Variants in SLC39A11 observed in about 807,000 individuals in gnomAD.
The protein encoded by SLC39A11 is zinc transporter ZIP11.
SLC39A11 carries 33 observed loss-of-function variants against 36.1 expected under a neutral mutation model. The ratio of observed to expected loss-of-function variants is 0.91; its 90% CI spans 0.69 to 1.22. SLC39A11 has a LOEUF of 1.22. Ranked by LOEUF, SLC39A11 falls within the 50% of genes most tolerant of loss-of-function variation. SLC39A11 has a pLI of 0.00. For synonymous variants in SLC39A11, 166 were observed against 170.3 expected, an observed-to-expected ratio of 0.97 and a Z score of 0.20; for missense variants, 432 against 430.3, an observed-to-expected ratio of 1.00 and a Z score of -0.03.
intron 3 of SLC39A11, among the ~76,000 whole-genome samples, chr17:73,060,210 C>CAAAAAAAAAAAAAAAAAAAAAAAAAAAA (rs33931672): frequency 4.4e-4 from 31 of 70,330 alleles, no homozygotes; most frequent in Admixed American, 9.0e-4. Flanking sequence ...AACTCCATCT[C>CAAAAAAAAAAAAAAAAAAAAAAAAAAAA]AAAAAAAAAA....
intron 5 of SLC39A11, among the ~76,000 whole-genome samples, chr17:72,929,584 A>C (rs1025474392): frequency 6.6e-6 from 1 of 152,162 alleles, no homozygotes; most frequent in Admixed American, 6.5e-5. Flanking sequence ...CAACAATTCT[A>C]TTCAATTAAA....
intron 4 of SLC39A11, among the ~76,000 whole-genome samples, chr17:73,002,342 A>ACAGT (rs1275601244): frequency 1.3e-5 from 2 of 152,200 alleles, no homozygotes. Context: ...TCGAAGTCCT[A>ACAGT]CAGTCAGCAA....
chr17:73,000,361 A>ATCC (rs754170979), intron 4 of SLC39A11, among the ~76,000 whole-genome samples: 1 of 140,926 alleles, frequency 7.1e-6, no homozygotes, highest in South Asian at 2.3e-4. Context: ...CCTCCTCCTC[A>ATCC]TCCTCCTCCT....
At position 72,866,812 on chromosome 17, in the gene SLC39A11, A is replaced by G. The variant is rs1409220965; in HGVS notation, c.431-17008T>C. Among the ~76,000 whole-genome samples, 14 of 152,316 alleles carry G rather than the reference A, an allele frequency of 9.2e-5. No individual in the cohort carries two copies. In the East Asian group the frequency reaches 2.7e-3, roughly 29 times the overall value. On this transcript the variant is annotated intron_variant, in intron 5 of 9. Transcript: ENST00000255559. The stretch of plus-strand genomic sequence containing the variant: ...CTATTAACCTACACATTTAAATGCA[A>G]TTTGATTTTTCTTTCAAAAGTCAGA...
At chr17:72,886,555 C>T (rs1042374301) in intron 5 of SLC39A11, among the ~76,000 whole-genome samples, 1 of 152,178 alleles carries the variant, frequency 6.6e-6, no homozygotes, top group East Asian at 1.9e-4. Flanking sequence ...CAAACGCATC[C>T]TCCAAACTGC....
intron 4 of SLC39A11, among the ~76,000 whole-genome samples, chr17:72,950,623 CTTCT>C (rs1176236270): frequency 6.6e-6 from 1 of 152,118 alleles, no homozygotes; most frequent in Non-Finnish European, 1.5e-5. Context: ...CTTCCTTTGT[CTTCT>C]TTCTTTTTAT....
intron 3 of SLC39A11, among the ~76,000 whole-genome samples, chr17:73,054,467 T>C (rs561951871): frequency 1.3e-5 from 2 of 152,088 alleles, no homozygotes; most frequent in Admixed American, 1.3e-4. Flanking sequence ...GGCCCTGTAA[T>C]AAGGACCAAG....
At chr17:72,705,095 C>A (rs1206029121) in intron 7 of SLC39A11, among the ~76,000 whole-genome samples, 3 of 152,204 alleles carry the variant, frequency 2.0e-5, no homozygotes, top group African/African-American at 7.2e-5. Flanking sequence ...CTGAAACCAG[C>A]ATCCCAGACT....
intron 3 of SLC39A11, among the ~76,000 whole-genome samples, chr17:73,071,562 C>T (rs1487309470): frequency 6.6e-6 from 1 of 152,218 alleles, no homozygotes; most frequent in Non-Finnish European, 1.5e-5. Context: ...TCCTCCAGCA[C>T]AGTGGTCCCG....
intron 6 of SLC39A11, among the ~76,000 whole-genome samples, chr17:72,792,251 C>T (rs2076733677): frequency 6.6e-6 from 1 of 152,208 alleles, no homozygotes; most frequent in Non-Finnish European, 1.5e-5. Flanking sequence ...AGGGGCTGTG[C>T]AAGGCAGGTT....
intron 5 of SLC39A11, among the ~76,000 whole-genome samples, chr17:72,906,749 A>G (rs1306275541): frequency 6.6e-6 from 1 of 152,174 alleles, no homozygotes; most frequent in Non-Finnish European, 1.5e-5. Flanking sequence ...ATCAAAATAC[A>G]CTTAGGTTTC....
chr17:72,703,244 G>A (rs1389158255), intron 7 of SLC39A11, among the ~76,000 whole-genome samples: 2 of 152,180 alleles, frequency 1.3e-5, no homozygotes, highest in African/African-American at 2.4e-5. Flanking sequence ...TGGTGTGTAT[G>A]TGCTTTAGGA....
At chr17:72,950,118 T>C (rs1397938002) in intron 4 of SLC39A11, among the ~76,000 whole-genome samples, 1 of 152,204 alleles carries the variant, frequency 6.6e-6, no homozygotes, top group Non-Finnish European at 1.5e-5. Context: ...ATGCCCTTCC[T>C]CTCATCTATT....
chr17:73,091,460 AAAT>A (rs1232062413), intron 1 of SLC39A11, among the ~76,000 whole-genome samples: 2 of 152,106 alleles, frequency 1.3e-5, no homozygotes, highest in Non-Finnish European at 2.9e-5. Flanking sequence ...AAATAAAAAT[AAAT>A]AAATAAATAA....
chr17:72,877,459 G>T (rs534126014), intron 5 of SLC39A11, among the ~76,000 whole-genome samples: 3 of 152,174 alleles, frequency 2.0e-5, no homozygotes, highest in Admixed American at 1.3e-4. Context: ...CCAGTGCCAC[G>T]TTAAAATGGG....
At chr17:73,074,190 A>T (rs934878745) in intron 3 of SLC39A11, among the ~76,000 whole-genome samples, 47 of 152,218 alleles carry the variant, frequency 3.1e-4, no homozygotes, top group African/African-American at 1.1e-3. Context: ...AAGACCCTGA[A>T]TTCAATGACT....
chr17:73,084,825 G>A lies in SLC39A11; in HGVS notation c.130C>T (p.Leu44Phe). 5 of 1,614,102 alleles carry A rather than the reference G, an allele frequency of 3.1e-6. No homozygotes were observed. Among genetic ancestry groups the A allele is most frequent in the Non-Finnish European group, 4.2e-6 (5 of 1,180,008 alleles). Reference protein sequence around the residue: ...SGQRRILDGSLGFAAGVMLAA... With the variant: ...SGQRRILDGSFGFAAGVMLAA... ...CTACTTACCCCTGCAGCAAAGCCAA[G>A]ACTTCCATCTAAGATCCGCCTCTGA... The change falls in exon 3 of 10, where the codon CTT (leucine) becomes TTT (phenylalanine). Residue 44 changes from leucine (L) to phenylalanine (F), a missense_variant. Coordinates refer to ENST00000255559, the MANE Select transcript of SLC39A11 (RefSeq NM_139177.4).
intron 4 of SLC39A11, among the ~76,000 whole-genome samples, chr17:72,983,485 G>C (rs1400405072): frequency 6.6e-6 from 1 of 152,178 alleles, no homozygotes; most frequent in Non-Finnish European, 1.5e-5. Context: ...TTTAAATAAA[G>C]CAACATATAT....
rs529792178 is a variant in SLC39A11 at position 72,771,765 on chromosome 17, C to A, written c.602-35046G>T. Among the ~76,000 whole-genome samples the A allele has an allele frequency of 2.6e-5, 4 of 152,288 alleles. No individual in the cohort carries two copies. In the East Asian group the frequency reaches 7.7e-4, roughly 29 times the overall value. Reference sequence around the variant, plus strand: ...TGATTTACAAAGAAATGATTTTTATCTTTTACATGTCAAACGATCAAGGAA... The same window carrying A: ...TGATTTACAAAGAAATGATTTTTATATTTTACATGTCAAACGATCAAGGAA... On this transcript the variant is annotated intron_variant, in intron 6 of 9. Coordinates refer to ENST00000255559, the MANE Select transcript of SLC39A11 (RefSeq NM_139177.4).
Sources: gnomAD v4.1 joint callset for allele counts (sites outside exome capture counted in the v4.1 genomes callset) on GRCh38, gnomAD v4.1.1 for gene constraint, MANE v1.5 for transcripts, NCBI Gene and HGNC (gene_info 2026-07-23, HGNC 2026-07-21) for gene names.